Variants in YIPF4 observed in about 807,000 individuals in gnomAD.
YIPF4 encodes Yip1 domain family member 4.
YIPF4 carries 18 observed loss-of-function variants against 29.4 expected under a neutral mutation model. The observed-to-expected ratio is 0.61, with a 90% CI of 0.42 to 0.91. The LOEUF is 0.91. YIPF4 is among the 40% of genes least tolerant of loss of function. YIPF4 has a pLI of 0.00. For synonymous variants in YIPF4, 115 were observed against 104.7 expected (o/e 1.10, Z -0.60); for missense variants, 279 against 282.7 (o/e 0.99, Z 0.09).
intron 1 of YIPF4, among the ~76,000 whole-genome samples, chr2:32,289,801 A>G (rs1263058933): frequency 6.8e-6 from 1 of 147,508 alleles, no homozygotes; most frequent in African/African-American, 2.7e-5. Flanking sequence ...AAATAAAAAC[A>G]AAAAGAAAAC....
rs1254524601 is a variant in YIPF4, at chr2:32,310,983, G to C, written c.*5357G>C. 2 of 152,174 alleles carry C rather than the reference G, an allele frequency of 1.3e-5. No homozygotes were observed. Among genetic ancestry groups the C allele is most frequent in the East Asian group, 1.9e-4 (1 of 5,196 alleles). The allele number at this position is 152,174 out of a possible 1,614,324, so 9.4% of individuals were successfully genotyped here. A position where few individuals can be genotyped will look rare whatever the true frequency, so the allele number is the denominator to read the frequency against. On this transcript the variant is annotated 3_prime_UTR_variant, in exon 6 of 6. Coordinates refer to ENST00000238831, the MANE Select transcript of YIPF4 (RefSeq NM_032312.4). ...TCCTAGCAGCATTTTGTGTGTTTGA[G>C]AATCTCTTGACACTCTTCAAGTAAA...
Position 32,292,325 on chromosome 2 carries a change from A to G in YIPF4, c.382A>G (p.Ile128Val). 1 of 1,597,898 alleles carries G rather than the reference A, an allele frequency of 6.3e-7. No homozygotes were observed. Among genetic ancestry groups the G allele is most frequent in the Non-Finnish European group, 8.5e-7 (1 of 1,172,670 alleles). ...PLAVVLFFSM[I>V]SLYGQFRVVS... is the part of the protein sequence containing the mutation. ...GGCTGTTGTTCTTTTCTTTTCCATG[A>G]TATCATTATATGGACAGTTTAGGGT... The change falls in exon 3 of 6, where the codon ATA (isoleucine) becomes GTA (valine). Residue 128 changes from isoleucine (I) to valine (V), a missense_variant. Coordinates refer to ENST00000238831, the MANE Select transcript of YIPF4 (RefSeq NM_032312.4).
intron 3 of YIPF4, among the ~76,000 whole-genome samples, chr2:32,295,558 C>A (rs781413523): frequency 6.6e-6 from 1 of 152,152 alleles, no homozygotes; most frequent in Non-Finnish European, 1.5e-5. Context: ...ATCTCTGTTT[C>A]CATGATCACA....
In YIPF4 at chr2:32,307,067, T is replaced by C. The variant is rs1463657632; in HGVS notation, c.*1441T>C. 5 of 1,254,540 alleles carry C rather than the reference T, an allele frequency of 4.0e-6. No individual in the cohort carries two copies. Among genetic ancestry groups the C allele is most frequent in the Non-Finnish European group, 5.2e-6 (5 of 962,630 alleles). 77.7% of individuals were successfully genotyped at this position (1,254,540 alleles called of 1,614,324 possible). A position where few individuals can be genotyped will look rare whatever the true frequency, so the allele number is the denominator to read the frequency against. On this transcript the variant is annotated 3_prime_UTR_variant, in exon 6 of 6. Transcript: ENST00000238831. The stretch of plus-strand genomic sequence containing the variant: ...GTGGAGCACTTTTGAGCTAGAATAA[T>C]GTAGAAAATTACATGTACTGATTTT...
At chr2:32,281,675 C>T (rs138333723) in intron 1 of YIPF4, among the ~76,000 whole-genome samples, 1 of 151,928 alleles carries the variant, frequency 6.6e-6, no homozygotes, top group African/African-American at 2.4e-5. Context: ...TTGGCTTAAG[C>T]TCGAGAGTTT....
intron 4 of YIPF4, 53 bp from the exon 5 acceptor site, chr2:32,301,329 A>G (rs2031396639): frequency 8.6e-7 from 1 of 1,168,906 alleles, no homozygotes; most frequent in African/African-American, 1.5e-5. Context: ...ATTTTGATTA[A>G]AATGAGTATC....
In YIPF4 at chr2:32,315,405, T is replaced by C. The variant is rs973293770; in HGVS notation, c.*9779T>C. On this transcript the variant is annotated 3_prime_UTR_variant, in exon 6 of 6. Transcript: ENST00000238831. The stretch of plus-strand genomic sequence containing the variant: ...GGGATCTGTTAGGAAGAATGGATGC[T>C]AGGTAGGTAAATGGCAATGTCTGAC... The C allele has an allele frequency of 5.3e-5, 8 of 152,182 alleles. No individual in the cohort carries two copies. Among genetic ancestry groups the C allele is most frequent in the African/African-American group, 1.9e-4 (8 of 41,448 alleles). 9.4% of individuals were successfully genotyped at this position (152,182 alleles called of 1,614,324 possible).
At chr2:32,298,174 C>A (rs2031265453) in intron 3 of YIPF4, 60 bp from the exon 4 acceptor site, 1 of 1,344,964 alleles carries the variant, frequency 7.4e-7, no homozygotes, top group South Asian at 1.2e-5. Flanking sequence ...AATCGAGTTC[C>A]TGGAAAATTA....
chr2:32,303,052 G>T (rs2031458546), intron 5 of YIPF4, among the ~76,000 whole-genome samples: 1 of 152,008 alleles, frequency 6.6e-6, no homozygotes, highest in Non-Finnish European at 1.5e-5. Flanking sequence ...TATATTTTAG[G>T]GTTCGTTACA....
At chr2:32,302,253 A>G (rs1465369831) in intron 5 of YIPF4, among the ~76,000 whole-genome samples, 1 of 142,972 alleles carries the variant, frequency 7.0e-6, no homozygotes, top group Non-Finnish European at 1.5e-5. Flanking sequence ...CTGGTCTCGA[A>G]CTCCTGACCT....
At chr2:32,281,439 G>A (rs998560598) in intron 1 of YIPF4, among the ~76,000 whole-genome samples, 9 of 151,970 alleles carry the variant, frequency 5.9e-5, no homozygotes, top group South Asian at 4.2e-4. Flanking sequence ...ACAGGGTTTC[G>A]CCATGTTTCA....
At position 32,305,718 on chromosome 2, in the gene YIPF4, C is replaced by T. The variant is rs2031559080; in HGVS notation, c.*92C>T. The T allele has an allele frequency of 1.5e-6, 2 of 1,309,890 alleles. No individual in the cohort carries two copies. The highest frequency in any genetic ancestry group is 2.6e-5 in the South Asian group (1 of 37,966). The allele number at this position is 1,309,890 out of a possible 1,614,324, so 81.1% of individuals were successfully genotyped here. A position where few individuals can be genotyped will look rare whatever the true frequency, so the allele number is the denominator to read the frequency against. The stretch of plus-strand genomic sequence containing the variant: ...AGGAATTGGAGAAAACCTGTTGCTG[C>T]AAAATTTTACATGTTCCAGATGGAA... On this transcript the variant is annotated 3_prime_UTR_variant, in exon 6 of 6. Coordinates refer to ENST00000238831, the MANE Select transcript of YIPF4 (RefSeq NM_032312.4).
chr2:32,283,175 A>T (rs2030509485), intron 1 of YIPF4, among the ~76,000 whole-genome samples: 1 of 151,488 alleles, frequency 6.6e-6, no homozygotes, highest in South Asian at 2.1e-4. Flanking sequence ...AACATATGTG[A>T]GTAATGATGT....
intron 1 of YIPF4, among the ~76,000 whole-genome samples, chr2:32,280,407 T>C (rs1238654794): frequency 2.1e-5 from 3 of 139,730 alleles, no homozygotes; most frequent in Non-Finnish European, 4.6e-5. Flanking sequence ...TGAGACAGAG[T>C]CTTGCTCTGT....
chr2:32,280,927 G>A (rs1201856147), intron 1 of YIPF4, among the ~76,000 whole-genome samples: 1 of 152,160 alleles, frequency 6.6e-6, no homozygotes, highest in Non-Finnish European at 1.5e-5. Flanking sequence ...AGAACATGAT[G>A]TTTGTTCAAA....
In YIPF4 at chr2:32,294,345, T is replaced by G. The variant is rs963733548; in HGVS notation, c.405+1997T>G. On this transcript the variant is annotated intron_variant, in intron 3 of 5. Transcript: ENST00000238831. Reference sequence around the variant, plus strand: ...GCCGGGCGGACGGGCTCCTCACTTCTCAGACAGGGCGGCTGGGCAGAGATG... The same window carrying G: ...GCCGGGCGGACGGGCTCCTCACTTCGCAGACAGGGCGGCTGGGCAGAGATG... 3.8e-4 allele frequency among the ~76,000 whole-genome samples: 54 copies of G among 142,186 alleles called. 1 individual carries two copies. The highest frequency in any genetic ancestry group is 1.4e-3 in the African/African-American group (52 of 37,398). The allele number at this position is 142,186 out of a possible 152,430, so 93.3% of individuals were successfully genotyped here.
At position 32,301,400 on chromosome 2, in the gene YIPF4, C is replaced by G. The variant is rs908224699; in HGVS notation, c.502C>G (p.Leu168Val). 2 of 1,610,434 alleles carry G rather than the reference C, an allele frequency of 1.2e-6. No homozygotes were observed. The highest frequency in any genetic ancestry group is 1.1e-5 in the South Asian group (1 of 89,978). ...TTCACAGGTTGCATATGGCCAAGTC[C>G]TTGGAGTTATAGGATATTCATTACT... ...LGGEVAYGQV[L>V]GVIGYSLLPL... The change falls in exon 5 of 6, where the codon CTT (leucine) becomes GTT (valine). Residue 168 changes from leucine to valine, a missense_variant. By Grantham distance (32) the Leu-to-Val change is conservative. Transcript: ENST00000238831.
At position 32,278,086 on chromosome 2, in the gene YIPF4, C is replaced by T. The variant is rs1026325737; in HGVS notation, c.-70C>T. On this transcript the variant is annotated 5_prime_UTR_variant, in exon 1 of 6. Transcript: ENST00000238831. ...CGTAGGGCGAGCGTGCGGGTCGCCGCCGCGGCCGCCTCGGGGTCTGGGCCC... is the reference window on the plus strand; with the variant it reads ...CGTAGGGCGAGCGTGCGGGTCGCCGTCGCGGCCGCCTCGGGGTCTGGGCCC... The T allele has an allele frequency of 1.4e-6, 2 of 1,406,192 alleles. No homozygotes were observed. The highest frequency in any genetic ancestry group is 2.7e-5 in the East Asian group (1 of 36,920). The allele number at this position is 1,406,192 out of a possible 1,614,324, so 87.1% of individuals were successfully genotyped here.
chr2:32,291,776 T>C (rs2030928683), intron 2 of YIPF4, among the ~76,000 whole-genome samples: 1 of 152,084 alleles, frequency 6.6e-6, no homozygotes, highest in Non-Finnish European at 1.5e-5. Flanking sequence ...AAGAAAGAAT[T>C]TCCCCAGAGA....
Sources: allele counts gnomAD v4.1 joint callset (sites outside exome capture counted in the v4.1 genomes callset), GRCh38; gene constraint gnomAD v4.1.1; transcripts MANE v1.5; gene names NCBI Gene and HGNC (gene_info 2026-07-23, HGNC 2026-07-21).